The following IAH1 variants were observed in gnomAD, a reference collection of about 807,000 sequenced individuals.
IAH1 encodes the protein isoamyl acetate-hydrolyzing esterase 1 homolog.
IAH1 carries 24 observed loss-of-function variants against 26.7 expected under a neutral mutation model. The observed-to-expected ratio is 0.90, with a 90% CI of 0.65 to 1.26. The LOEUF is 1.26. Ranked by LOEUF, IAH1 falls within the 50% of genes most tolerant of loss-of-function variation. The probability of loss-of-function intolerance (pLI) is 0.00; values close to 1 mark genes in which losing one functional copy is unlikely to be tolerated. For synonymous variants in IAH1, 140 were observed against 118.5 expected, an observed-to-expected ratio of 1.18 and a Z score of -1.18; for missense variants, 300 against 299.9, an observed-to-expected ratio of 1.00 and a Z score of 0.00.
Position 9,484,539 on chromosome 2 carries a change from C to T in IAH1, c.553C>T (p.Gln185Ter). The T allele has an allele frequency of 1.2e-6, 2 of 1,611,568 alleles. No individual in the cohort carries two copies. The highest frequency in any genetic ancestry group is 1.7e-6 in the Non-Finnish European group (2 of 1,177,790). The change falls in exon 5 of 6, where the codon CAG (glutamine) becomes TAG (stop). Residue 185 changes from glutamine (Q) to a stop codon, truncating the protein, a stop_gained. Transcript: ENST00000497473. LOFTEE classifies it low-confidence loss of function (END_TRUNC). ...TDVLDLWTLM[Q>*]DSQDFSSYLS... is the part of the protein sequence containing the mutation. The stretch of plus-strand genomic sequence containing the variant: ...CGTACTTGACCTGTGGACCCTGATG[C>T]AGGACAGCCAGGTACGGTGGCTTGC...
chr2:9,492,233 C>G (rs1662214506), downstream of IAH1, among the ~76,000 whole-genome samples: 1 of 152,236 alleles, frequency 6.6e-6, no homozygotes, highest in Admixed American at 6.5e-5. Flanking sequence ...TTTCTCATCT[C>G]TACAGCAGAC....
At position 9,474,811 on chromosome 2, in the gene IAH1, T is replaced by G; in HGVS notation, c.81+164T>G. On this transcript the variant is annotated intron_variant, in intron 1 of 5. Coordinates refer to ENST00000497473, the MANE Select transcript of IAH1 (RefSeq NM_001039613.3). The surrounding 1 kb of genome is among the most constrained non-coding windows in gnomAD (Gnocchi z 4.3). ...GAGGAGTGGCGGGTCCCCCAGTGGCTGCGCCTTCCGGGCCCGCGGCGTCCC... is the reference window on the plus strand; with the variant it reads ...GAGGAGTGGCGGGTCCCCCAGTGGCGGCGCCTTCCGGGCCCGCGGCGTCCC... 1 of 551,570 alleles carries G rather than the reference T, an allele frequency of 1.8e-6. No homozygotes were observed. Among genetic ancestry groups the G allele is most frequent in the Non-Finnish European group, 2.8e-6 (1 of 354,450 alleles). The allele number at this position is 551,570 out of a possible 1,614,324, so 34.2% of individuals were successfully genotyped here.
At chr2:9,494,570 T>C, downstream of IAH1, 1 of 1,578,580 alleles carries the variant, frequency 6.3e-7, no homozygotes, top group Non-Finnish European at 8.7e-7. Flanking sequence ...ATCTGCAAAA[T>C]CAAGTACTTA....
At chr2:9,484,912 A>G (rs1371953790) in intron 5 of IAH1, 1 of 180,428 alleles carries the variant, frequency 5.5e-6, no homozygotes, top group Non-Finnish European at 1.2e-5. Flanking sequence ...TTGGCTAATA[A>G]AACTGTTTGA....
the IAH1 span, among the ~76,000 whole-genome samples, chr2:9,509,147 G>C: frequency 2.3e-4 from 35 of 152,134 alleles, no homozygotes; most frequent in African/African-American, 8.5e-4. Flanking sequence ...GCTCAAAATA[G>C]GAGTCAGGAC....
chr2:9,505,707 G>C, the IAH1 span: 1 of 269,972 alleles, frequency 3.7e-6, no homozygotes, highest in African/African-American at 2.2e-5. Context: ...AGCTCCATCA[G>C]ACTTGAAATC....
At chr2:9,496,109 T>C (rs957080303) in intron 6 of IAH1, among the ~76,000 whole-genome samples, 2 of 151,966 alleles carry the variant, frequency 1.3e-5, no homozygotes, top group Non-Finnish European at 2.9e-5. Flanking sequence ...TCTTTGTCTT[T>C]TATTTATTTT....
chr2:9,476,008 T>C lies in IAH1; in HGVS notation c.103T>C (p.Trp35Arg), dbSNP rs766904808. Residue 35 changes from tryptophan (W) to arginine (R), a missense_variant, in exon 2 of 6, where the codon TGG becomes CGG. Coordinates refer to ENST00000497473, the MANE Select transcript of IAH1 (RefSeq NM_001039613.3). Reference sequence around the variant, plus strand: ...CCAGTTTTCCTTCCAGCAGGGTGGATGGGGAGCATCGCTGGCTGACAGGCT... The same window carrying C: ...CCAGTTTTCCTTCCAGCAGGGTGGACGGGGAGCATCGCTGGCTGACAGGCT... ...ITQFSFQQGG[W>R]GASLADRLVR... 6 of 1,613,758 alleles carry C rather than the reference T, an allele frequency of 3.7e-6. No individual in the cohort carries two copies. Among genetic ancestry groups the C allele is most frequent in the African/African-American group, 1.3e-5 (1 of 74,994 alleles).
At chr2:9,491,286 A>G (rs957286408), downstream of IAH1, 6 of 710,136 alleles carry the variant, frequency 8.4e-6, no homozygotes, top group Admixed American at 1.1e-4. Context: ...CAGGCTCAAC[A>G]GATGACAATC....
At chr2:9,507,024 T>C in the IAH1 span, 1 of 152,172 alleles carries the variant, frequency 6.6e-6, no homozygotes, top group Non-Finnish European at 1.5e-5. Flanking sequence ...AGGTCCTACA[T>C]TCCTTTTCAC....
At chr2:9,501,871 A>C in the IAH1 span, among the ~76,000 whole-genome samples, 1 of 152,166 alleles carries the variant, frequency 6.6e-6, no homozygotes, top group African/African-American at 2.4e-5. Flanking sequence ...AAAAACACAT[A>C]CATGCACAAA....
the IAH1 span, among the ~76,000 whole-genome samples, chr2:9,510,825 T>C: frequency 1.3e-5 from 2 of 152,058 alleles, no homozygotes; most frequent in African/African-American, 4.8e-5. Flanking sequence ...GAGTAAGACT[T>C]TGTCTCAAAA....
intron 4 of IAH1, 107 bp downstream of exon 4, chr2:9,481,554 G>T: frequency 1.0e-6 from 1 of 974,950 alleles, no homozygotes; most frequent in East Asian, 2.6e-5. Flanking sequence ...TTAGGGGCTC[G>T]GTATGTCCAT....
intron 1 of IAH1, chr2:9,475,646 G>A (rs1024289882): frequency 1.6e-5 from 5 of 319,564 alleles, no homozygotes; most frequent in Middle Eastern, 1.0e-3. Flanking sequence ...GATTATAGAC[G>A]TGCGCCACCA....
chr2:9,496,298 T>G, intron 6 of IAH1: 1 of 151,924 alleles, frequency 6.6e-6, no homozygotes, highest in Non-Finnish European at 1.5e-5. Flanking sequence ...CCGGCTAATT[T>G]TTTTTATTTT....
In IAH1 at chr2:9,488,521, G is replaced by A. The variant is rs1249776651; in HGVS notation, c.*192G>A. ...ACAGTATTTATTAATGCAGATATCA[G>A]TGCTACAGCTATAAAATATACCCTG... On this transcript the variant is annotated 3_prime_UTR_variant, in exon 6 of 6. Coordinates refer to ENST00000497473, the MANE Select transcript of IAH1 (RefSeq NM_001039613.3). The A allele has an allele frequency of 9.0e-6, 4 of 446,546 alleles. No homozygotes were observed. The highest frequency in any genetic ancestry group is 1.6e-5 in the Non-Finnish European group (4 of 255,344). The allele number at this position is 446,546 out of a possible 1,614,324, so 27.7% of individuals were successfully genotyped here. A position where few individuals can be genotyped will look rare whatever the true frequency, so the allele number is the denominator to read the frequency against.
the IAH1 span, among the ~76,000 whole-genome samples, chr2:9,509,201 G>T: frequency 1.3e-5 from 2 of 152,166 alleles, no homozygotes; most frequent in African/African-American, 4.8e-5. Flanking sequence ...ACTCCTTTAA[G>T]CTCTCCCCAC....
intron 4 of IAH1, among the ~76,000 whole-genome samples, chr2:9,482,032 C>CTTTTTTTTTTTT (rs58813442): frequency 7.4e-6 from 1 of 134,656 alleles, no homozygotes. Context: ...TGGAAGTTCT[C>CTTTTTTTTTTTT]TTTTTTTTTT....
At chr2:9,508,362 A>G in the IAH1 span, among the ~76,000 whole-genome samples, 1 of 152,116 alleles carries the variant, frequency 6.6e-6, no homozygotes, top group Non-Finnish European at 1.5e-5. Flanking sequence ...GCTCCTCTAC[A>G]TCCGCGCTAC....
Sources: gnomAD v4.1 joint callset for allele counts (sites outside exome capture counted in the v4.1 genomes callset) on GRCh38, gnomAD v4.1.1 for gene constraint, Gnocchi (gnomAD v3.1) non-coding constraint, MANE v1.5 for transcripts, NCBI Gene and HGNC (gene_info 2026-07-23, HGNC 2026-07-21) for gene names.